GYG2: variants seen among roughly 807,000 people sequenced by gnomAD.
The protein encoded by GYG2 is glycogenin 2.
A neutral mutation model predicts 29.4 loss-of-function variants in GYG2; 29 were observed. That is an observed-to-expected ratio of 0.99 (90% confidence interval 0.74 to 1.35). The LOEUF (loss-of-function observed/expected upper bound fraction) is 1.35, where lower values mean the gene tolerates loss of function less well. GYG2 is among the 40% of genes most tolerant of loss of function. The pLI is 0.00. For synonymous variants in GYG2, 167 were observed against 172.3 expected, an observed-to-expected ratio of 0.97 and a Z score of 0.24; for missense variants, 370 against 385.7, an observed-to-expected ratio of 0.96 and a Z score of 0.34.
rs1569075744 is a variant in GYG2, at chrX:2,875,900, A to G, written c.1129A>G (p.Thr377Ala). 8.8e-7 allele frequency: 1 copy of G among 1,133,799 alleles called. No individual in the cohort carries two copies. The highest frequency in any genetic ancestry group is 3.0e-5 in the East Asian group (1 of 33,471). 93.4% of individuals were successfully genotyped at this position (1,133,799 alleles called of 1,213,427 possible). A position where few individuals can be genotyped will look rare whatever the true frequency, so the allele number is the denominator to read the frequency against. ...CCCTCAGCCTGCAGACTTCACAGAGACTGAAACCATCTTGGTATTCCTCAT... is the reference window on the plus strand; with the variant it reads ...CCCTCAGCCTGCAGACTTCACAGAGGCTGAAACCATCTTGGTATTCCTCAT... ...PSPQPADFTETETILQPANKV... is the reference protein window; with the variant it reads ...PSPQPADFTEAETILQPANKV... Residue 377 changes from threonine to alanine, a missense_variant, in exon 9 of 11, where the codon ACT (threonine) becomes GCT (alanine). By Grantham distance (58) the Thr-to-Ala change is moderately conservative. Transcript: ENST00000398806.
rs368348398 is a variant in GYG2 at position 2,842,695 on chromosome X, A to T, written c.8-518A>T. On this transcript the variant is annotated intron_variant, in intron 2 of 10. Transcript: ENST00000398806. ...TGCAGCATCAGGAAATGGGCATAGC[A>T]GTTGGGTTGACTTTGTCCCTTGTTT... is the stretch of plus-strand genomic sequence containing the variant. Among the ~76,000 whole-genome samples, 775 of 111,593 alleles carry T rather than the reference A, an allele frequency of 6.9e-3. 2 individuals are homozygous for T. Among genetic ancestry groups the T allele is most frequent in the Non-Finnish European group, 0.011 (562 of 53,128 alleles).
intron 3 of GYG2, among the ~76,000 whole-genome samples, chrX:2,844,431 AATT>A (rs2087574934): frequency 9.0e-6 from 1 of 110,986 alleles, no homozygotes; most frequent in Admixed American, 9.6e-5. Context: ...TCAGTGAAGA[AATT>A]ATCCAGTTCA....
intron 2 of GYG2, among the ~76,000 whole-genome samples, chrX:2,839,620 G>A (rs977637257): frequency 9.0e-6 from 1 of 110,677 alleles, no homozygotes; most frequent in African/African-American, 3.3e-5. Flanking sequence ...GCTAGGGAAG[G>A]GAGAAAGGGG....
chrX:2,856,603 C>T lies in GYG2; in HGVS notation c.593C>T (p.Thr198Ile), dbSNP rs762492411. 3.3e-6 allele frequency: 4 copies of T among 1,204,115 alleles called. No individual in the cohort carries two copies. The East Asian group carries it at 8.9e-5, about 27-fold the overall frequency. Residue 198 changes from threonine (T) to isoleucine (I), a missense_variant, in exon 6 of 11, where the codon ACT becomes ATT. Coordinates refer to ENST00000398806, the MANE Select transcript of GYG2 (RefSeq NM_001079855.2). ...IYNLSSNTMYTYSPAFKQFGS... is the reference protein window; with the variant it reads ...IYNLSSNTMYIYSPAFKQFGS... ...AACTTGAGTAGTAACACGATGTACACTTACAGCCCTGCCTTCAAGCAGTAA... is the reference window on the plus strand; with the variant it reads ...AACTTGAGTAGTAACACGATGTACATTTACAGCCCTGCCTTCAAGCAGTAA...
chrX:2,873,021 C>A (rs1168522858), intron 8 of GYG2, among the ~76,000 whole-genome samples: 1 of 112,064 alleles, frequency 8.9e-6, no homozygotes, highest in African/African-American at 3.2e-5. Flanking sequence ...TACCCAAATC[C>A]CGCTCTCTCA....
At chrX:2,858,359 G>A (rs953613079) in intron 6 of GYG2, among the ~76,000 whole-genome samples, 6 of 111,409 alleles carry the variant, frequency 5.4e-5, no homozygotes, top group African/African-American at 2.0e-4. Flanking sequence ...TCAGCTACTC[G>A]GGAGGCTGCG....
intron 10 of GYG2, among the ~76,000 whole-genome samples, chrX:2,880,294 C>G (rs936805013): frequency 9.1e-6 from 1 of 109,845 alleles, no homozygotes; most frequent in Non-Finnish European, 1.9e-5. Flanking sequence ...AATTCCTTTG[C>G]CAAGCAGTCC....
intron 2 of GYG2, among the ~76,000 whole-genome samples, chrX:2,831,469 G>A (rs1603458451): frequency 9.0e-6 from 1 of 111,599 alleles, no homozygotes; most frequent in South Asian, 3.8e-4. Flanking sequence ...TTCCCACTCT[G>A]GACTTAGAGA....
chrX:2,833,760 T>C (rs1343991861), intron 2 of GYG2, among the ~76,000 whole-genome samples: 1 of 112,448 alleles, frequency 8.9e-6, no homozygotes, highest in East Asian at 2.8e-4. Context: ...CTGATTGCTT[T>C]GCCATTTCTC....
chrX:2,845,029 T>TACACGTGTGTATGTA, intron 3 of GYG2, among the ~76,000 whole-genome samples: 1 of 88,011 alleles, frequency 1.1e-5, no homozygotes, highest in South Asian at 5.7e-4. Flanking sequence ...GTATGTATAT[T>TACACGTGTGTATGTA]TATATACACA....
In GYG2 at chrX:2,855,147, G is replaced by A; in HGVS notation, c.479G>A (p.Ser160Asn). 1 of 1,210,011 alleles carries A rather than the reference G, an allele frequency of 8.3e-7. No homozygotes were observed. The highest frequency in any genetic ancestry group is 1.1e-6 in the Non-Finnish European group (1 of 894,049). ...CTACAGCACGCCATGGAACACGGCAGCTTTGACGGTAAGTCAGGGCAGCCC... is the reference window on the plus strand; with the variant it reads ...CTACAGCACGCCATGGAACACGGCAACTTTGACGGTAAGTCAGGGCAGCCC... ...LLLQHAMEHG[S>N]FDGADQGLLN... Residue 160 changes from serine to asparagine, a missense_variant, in exon 5 of 11, where the codon AGC (serine) becomes AAC (asparagine). Transcript: ENST00000398806.
chrX:2,860,343 A>T (rs1399975002), intron 7 of GYG2, among the ~76,000 whole-genome samples: 1 of 111,656 alleles, frequency 9.0e-6, no homozygotes, highest in Non-Finnish European at 1.9e-5. Context: ...AGAGACACTC[A>T]TGGACAAGTG....
rs201622542 is a variant in GYG2 at position 2,860,035 on chromosome X, G to A, written c.807G>A (p.Ala269=). 30 of 1,190,944 alleles carry A rather than the reference G, an allele frequency of 2.5e-5. No individual in the cohort carries two copies. The highest frequency in any genetic ancestry group is 8.8e-5 in the African/African-American group (5 of 56,655). The change falls in exon 7 of 11, where the codon GCG becomes GCA. Residue 269 remains alanine (A), a synonymous_variant. Coordinates refer to ENST00000398806, the MANE Select transcript of GYG2 (RefSeq NM_001079855.2). Reference sequence around the variant, plus strand: ...TGCCCCTTTATAAAAGCGTCCAAGCGGGGGAAGCACGCGCGTCTCCTGGTC... The same window carrying A: ...TGCCCCTTTATAAAAGCGTCCAAGCAGGGGAAGCACGCGCGTCTCCTGGTC... The part of the protein sequence containing the change: ...NVLPLYKSVQ[A]GEARASPGHT...
chrX:2,861,694 C>T lies in GYG2; in HGVS notation c.1010C>T (p.Ser337Phe). The T allele has an allele frequency of 1.7e-6, 2 of 1,197,056 alleles. No homozygotes were observed. Among genetic ancestry groups the T allele is most frequent in the African/African-American group, 1.7e-5 (1 of 57,530 alleles). Residue 337 changes from serine to phenylalanine, a missense_variant, in exon 8 of 11, where the codon TCC becomes TTC. Ser to Phe is a radical substitution (Grantham distance 155). Transcript: ENST00000398806. ...ACCCAGATAGTGGATGAGACCCTGT[C>T]CCTACCTGAAGGACGCCGTTCAGAA... is the stretch of plus-strand genomic sequence containing the variant. ...EPTQIVDETLSLPEGRRSEDM... is the reference protein window; with the variant it reads ...EPTQIVDETLFLPEGRRSEDM...
intron 8 of GYG2, among the ~76,000 whole-genome samples, chrX:2,862,982 C>T (rs753799202): frequency 1.8e-5 from 2 of 110,060 alleles, no homozygotes; most frequent in Non-Finnish European, 1.9e-5. Flanking sequence ...AATGCTTGAG[C>T]CTTGGAGGTC....
chrX:2,872,426 T>C lies in GYG2; in HGVS notation c.1039-3384T>C, dbSNP rs1386081386. On this transcript the variant is annotated intron_variant, in intron 8 of 10. Transcript: ENST00000398806. ...ATATTTATTCATAAAAGTTGGTTTA[T>C]GTTTCGGCTGTTAATATTACTTGTT... is the stretch of plus-strand genomic sequence containing the variant. Among the ~76,000 whole-genome samples the C allele has an allele frequency of 3.6e-5, 4 of 112,388 alleles. No individual in the cohort carries two copies. In the East Asian group the frequency reaches 1.1e-3, roughly 31 times the overall value.
At chrX:2,842,424 T>C (rs1315282648) in intron 2 of GYG2, among the ~76,000 whole-genome samples, 3 of 109,740 alleles carry the variant, frequency 2.7e-5, no homozygotes, top group Non-Finnish European at 3.8e-5. Flanking sequence ...TTCAAACTCC[T>C]GGGCTCAAAT....
At chrX:2,834,979 A>G (rs1002180481) in intron 2 of GYG2, among the ~76,000 whole-genome samples, 2 of 111,564 alleles carry the variant, frequency 1.8e-5, no homozygotes, top group African/African-American at 6.5e-5. Context: ...ACATGGGCCA[A>G]AGGTGGTCGG....
chrX:2,842,760 G>A (rs2087531909), intron 2 of GYG2, among the ~76,000 whole-genome samples: 1 of 106,842 alleles, frequency 9.4e-6, no homozygotes. Flanking sequence ...GTTTTGTTTA[G>A]AATGAAAGGA....
Sources: gnomAD v4.1 joint callset for allele counts (sites outside exome capture counted in the v4.1 genomes callset) on GRCh38, gnomAD v4.1.1 for gene constraint, MANE v1.5 for transcripts, NCBI Gene and HGNC (gene_info 2026-07-23, HGNC 2026-07-21) for gene names.